The following ARHGAP9 variants were observed in gnomAD, a reference collection of about 807,000 sequenced individuals.
ARHGAP9 encodes Rho GTPase activating protein 9.
Under a neutral mutation model 87.3 loss-of-function variants are expected in ARHGAP9, and 76 were observed. The ratio of observed to expected loss-of-function variants is 0.87; its 90% CI spans 0.72 to 1.05. The LOEUF is 1.05. Ranked by LOEUF, ARHGAP9 falls within the 50% of genes least tolerant of loss-of-function variation. The pLI, the probability that ARHGAP9 is intolerant of heterozygous loss-of-function variation, is 0.00. For missense variants in ARHGAP9, 941 were observed against 960.5 expected (o/e 0.98, Z 0.27); for synonymous variants, 382 against 394.9 (o/e 0.97, Z 0.39).
chr12:57,475,656 G>A lies in ARHGAP9; in HGVS notation c.1312-41C>T, dbSNP rs759798417. The A allele has an allele frequency of 2.0e-5, 32 of 1,595,786 alleles. No homozygotes were observed. The South Asian group carries it at 3.4e-4, about 17-fold the overall frequency. On this transcript the variant is annotated intron_variant, in intron 10 of 17. Coordinates refer to ENST00000393791, the MANE Select transcript of ARHGAP9 (RefSeq NM_032496.4). The stretch of plus-strand genomic sequence containing the variant: ...GCCGTGTCGAAGGTGAGAGAGGAGA[G>A]AAATCTGTATCCCTAGCTGGACTCT...
upstream of ARHGAP9, among the ~76,000 whole-genome samples, chr12:57,482,630 G>T (rs1275402481): frequency 6.6e-6 from 1 of 152,030 alleles, no homozygotes; most frequent in Non-Finnish European, 1.5e-5. Context: ...TATTGAACCT[G>T]GGAAGTTGAG....
intron 10 of ARHGAP9, 93 bp from the exon 11 acceptor site, chr12:57,475,708 G>T: frequency 1.9e-6 from 3 of 1,548,896 alleles, no homozygotes; most frequent in Non-Finnish European, 1.7e-6. Context: ...CCCACATCCC[G>T]GCCCAGGCAA....
intron 1 of ARHGAP9, among the ~76,000 whole-genome samples, chr12:57,486,615 C>CAGT (rs1555164939): frequency 7.0e-3 from 6 of 858 alleles, no homozygotes; most frequent in African/African-American, 0.022. Flanking sequence ...TGGCCGGGCG[C>CAGT]GGCTGCACGC....
chr12:57,473,256 T>C (rs1041119619), intron 17 of ARHGAP9, among the ~76,000 whole-genome samples: 6 of 151,806 alleles, frequency 4.0e-5, no homozygotes, highest in African/African-American at 1.2e-4. Context: ...CTACTAAAAA[T>C]ACAAAAATTA....
Position 57,478,688 on chromosome 12 carries a change from G to A in ARHGAP9, c.386C>T (p.Ser129Leu), listed in dbSNP as rs752624760. The change falls in exon 3 of 18, where the codon TCG becomes TTG. Residue 129 changes from serine to leucine, a missense_variant. By Grantham distance (145) the Ser-to-Leu change is moderately radical. Transcript: ENST00000393791. ...QALPSRAQAS[S>L]EQPPPLPRKM... is the part of the protein sequence containing the mutation. ...GCGGGGAAGTGGAGGAGGCTGCTCCGAGCTAGCCTGAGCCCTGCTTGGGAG... is the reference window on the plus strand; with the variant it reads ...GCGGGGAAGTGGAGGAGGCTGCTCCAAGCTAGCCTGAGCCCTGCTTGGGAG... The A allele has an allele frequency of 1.7e-5, 27 of 1,614,016 alleles. 1 individual carries two copies. The highest frequency in any genetic ancestry group is 5.5e-5 in the South Asian group (5 of 91,080).
rs201544948 is a variant in ARHGAP9 at position 57,476,196 on chromosome 12, G to A, written c.1117-30C>T. The A allele has an allele frequency of 2.5e-4, 381 of 1,521,264 alleles. No individual in the cohort carries two copies. In the African/African-American group the frequency reaches 4.3e-3, roughly 17 times the overall value. The allele number at this position is 1,521,264 out of a possible 1,614,324, so 94.2% of individuals were successfully genotyped here. A position where few individuals can be genotyped will look rare whatever the true frequency, so the allele number is the denominator to read the frequency against. ...CAATGAGGGAGGAAACTGAGGCCAC[G>A]GTGTTGTTTCCTTCACTGCTTCCCT... On this transcript the variant is annotated intron_variant, in intron 8 of 17. Transcript: ENST00000393791.
rs761521550 is a variant in ARHGAP9, at chr12:57,488,102, C to T, written c.-204+510G>A. ...GGATTCACGGCGAAATGAGACTGTT[C>T]GTGAGTGATGGCGTCCCGGGTTGCT... is the stretch of plus-strand genomic sequence containing the variant. On this transcript the variant is annotated intron_variant, in intron 1 of 20. Transcript: ENST00000393797. 6 of 1,613,958 alleles carry T rather than the reference C, an allele frequency of 3.7e-6. No homozygotes were observed. The highest frequency in any genetic ancestry group is 4.5e-5 in the East Asian group (2 of 44,890).
intron 3 of ARHGAP9, chr12:57,478,016 G>A: frequency 9.0e-7 from 1 of 1,114,054 alleles, no homozygotes; most frequent in Non-Finnish European, 1.1e-6. Context: ...CATCCTGCAA[G>A]GTAAAAGAAG....
chr12:57,472,614 C>T lies in ARHGAP9; in HGVS notation c.2099G>A (p.Arg700Gln), dbSNP rs201915568. Residue 700 changes from arginine (R) to glutamine (Q), a missense_variant, in exon 18 of 18, where the codon CGG (arginine) becomes CAG (glutamine). Arg to Gln is a conservative substitution (Grantham distance 43). Transcript: ENST00000393791. ...LGIVFGPTLF[R>Q]PEQETSDPAA... ...TGGGTCAGATGTCTCCTGCTCTGGCCGAAACAGGGTTGGTCCAAACACAAT... is the reference window on the plus strand; with the variant it reads ...TGGGTCAGATGTCTCCTGCTCTGGCTGAAACAGGGTTGGTCCAAACACAAT... 2.0e-5 allele frequency: 33 copies of T among 1,614,060 alleles called. No homozygotes were observed. Among genetic ancestry groups the T allele is most frequent in the African/African-American group, 4.0e-5 (3 of 74,922 alleles).
chr12:57,475,200 A>G, intron 12 of ARHGAP9, 91 bp downstream of exon 12: 1 of 1,325,032 alleles, frequency 7.5e-7, no homozygotes, highest in Non-Finnish European at 1.0e-6. Context: ...GGAAAGCAGC[A>G]GTCACAGAAG....
At chr12:57,474,517 A>G in intron 14 of ARHGAP9, 41 bp from the exon 15 acceptor site, 1 of 1,613,842 alleles carries the variant, frequency 6.2e-7, no homozygotes, top group Non-Finnish European at 8.5e-7. Flanking sequence ...TAAGACATAC[A>G]CTTCCAGCCT....
At chr12:57,478,883 G>A (rs1377253651) in intron 2 of ARHGAP9, 126 bp from the exon 3 acceptor site, 4 of 1,126,278 alleles carry the variant, frequency 3.6e-6, no homozygotes, top group Non-Finnish European at 5.0e-6. Flanking sequence ...AATGGCATGA[G>A]ACCTAGAAGC....
chr12:57,478,998 G>T, intron 2 of ARHGAP9, 93 bp downstream of exon 2: 1 of 1,459,052 alleles, frequency 6.9e-7, no homozygotes, highest in Non-Finnish European at 9.4e-7. Flanking sequence ...AAGCTTGAGG[G>T]AGGGGGACCT....
intron 16 of ARHGAP9, 80 bp from the exon 17 acceptor site, chr12:57,473,788 C>A: frequency 7.5e-7 from 1 of 1,331,466 alleles, no homozygotes; most frequent in Non-Finnish European, 1.1e-6. Flanking sequence ...ACTGCTCTTT[C>A]CCACAGGCAT....
In ARHGAP9 at chr12:57,473,585, A is replaced by T. The variant is rs748694461; in HGVS notation, c.2024+18T>A. ...CCACCTTTCCCCAGCATGAACAAAGAGGTTCTGTCTTCCTGACCTGCATAA... is the reference window on the plus strand; with the variant it reads ...CCACCTTTCCCCAGCATGAACAAAGTGGTTCTGTCTTCCTGACCTGCATAA... On this transcript the variant is annotated intron_variant, in intron 17 of 17. Coordinates refer to ENST00000393791, the MANE Select transcript of ARHGAP9 (RefSeq NM_032496.4). 6.2e-7 allele frequency: 1 copy of T among 1,600,336 alleles called. No homozygotes were observed. Among genetic ancestry groups the T allele is most frequent in the Non-Finnish European group, 8.6e-7 (1 of 1,167,784 alleles).
Position 57,476,125 on chromosome 12 carries a change from G to A in ARHGAP9, c.1158C>T (p.Arg386=). Residue 386 remains arginine, a synonymous_variant, in exon 9 of 18, where the codon CGC becomes CGT. Coordinates refer to ENST00000393791, the MANE Select transcript of ARHGAP9 (RefSeq NM_032496.4). ...GGCGGCCGTGCGCCAGGGCCGCCCC[G>A]CGCAGGTCCACGCTACTTTCGGGCC... ...GSRPESSVDL[R]GAALAHGRHL... 6.5e-7 allele frequency: 1 copy of A among 1,542,670 alleles called. No homozygotes were observed. The highest frequency in any genetic ancestry group is 2.5e-5 in the East Asian group (1 of 40,816).
chr12:57,480,628 A>T, upstream of ARHGAP9: 1 of 762,908 alleles, frequency 1.3e-6, no homozygotes, highest in Non-Finnish European at 2.2e-6. Flanking sequence ...CTTAATAATT[A>T]CAATTGAATC....
In ARHGAP9 at chr12:57,476,458, C is replaced by A; in HGVS notation, c.1026-4G>T. 6.2e-7 allele frequency: 1 copy of A among 1,613,950 alleles called. No homozygotes were observed. Among genetic ancestry groups the A allele is most frequent in the Non-Finnish European group, 8.5e-7 (1 of 1,179,988 alleles). ...CCAAGACGGGCCCCAGTTCTTCCTG[C>A]GGGGACAGAGAGGGGAGGTAGTGGT... On this transcript the variant is annotated splice_polypyrimidine_tract_variant and splice_region_variant and intron_variant, in intron 7 of 17. Transcript: ENST00000393791.
rs770422305 is a variant in ARHGAP9 at position 57,477,168 on chromosome 12, C to T, written c.858G>A (p.Pro286=). Residue 286 remains proline, a synonymous_variant, in exon 5 of 18, where the codon CCG becomes CCA. Coordinates refer to ENST00000393791, the MANE Select transcript of ARHGAP9 (RefSeq NM_032496.4). Reference sequence around the variant, plus strand: ...GGAGGGATCTCACCTGTGGGTCAAGCGGTTCTGGGGTCCCTGTGTCAGATC... The same window carrying T: ...GGAGGGATCTCACCTGTGGGTCAAGTGGTTCTGGGGTCCCTGTGTCAGATC... ...GFRSDTGTPE[P]LDPQGSLSLS... is the part of the protein sequence containing the mutation. The T allele has an allele frequency of 8.8e-5, 142 of 1,613,284 alleles. No homozygotes were observed. Among genetic ancestry groups the T allele is most frequent in the Middle Eastern group, 6.6e-4 (4 of 6,054 alleles).
Sources: allele counts gnomAD v4.1 joint callset (sites outside exome capture counted in the v4.1 genomes callset), GRCh38; gene constraint gnomAD v4.1.1; transcripts MANE v1.5; gene names NCBI Gene and HGNC (gene_info 2026-07-23, HGNC 2026-07-21).